BOLA3: variants seen among roughly 807,000 people sequenced by gnomAD.
BOLA3 encodes the protein bolA family member 3, also known as bolA-like protein 3.
A neutral mutation model predicts 14.5 loss-of-function variants in BOLA3; 8 were observed. The observed-to-expected ratio is 0.55, with a 90% confidence interval of 0.32 to 0.99. The LOEUF is 0.99. BOLA3 is among the 50% of genes least tolerant of loss of function. BOLA3 has a pLI of 0.04. For synonymous variants in BOLA3, 42 were observed against 45.7 expected (o/e 0.92, Z 0.33); for missense variants, 115 against 138.2 (o/e 0.83, Z 0.84).
chr2:74,142,267 C>A lies in BOLA3; in HGVS notation c.258+5G>T. On this transcript the variant is annotated splice_donor_5th_base_variant and intron_variant, in intron 3 of 3. Coordinates refer to ENST00000327428, the MANE Select transcript of BOLA3 (RefSeq NM_212552.3). ...GTGGCAAGGGGCACTGTTGCCTCTA[C>A]TGACCTGATTAACCATCTGGTGCTG... is the stretch of plus-strand genomic sequence containing the variant. 1 of 1,608,650 alleles carries A rather than the reference C, an allele frequency of 6.2e-7. No individual in the cohort carries two copies. Among genetic ancestry groups the A allele is most frequent in the Non-Finnish European group, 8.5e-7 (1 of 1,175,514 alleles).
In BOLA3 at chr2:74,135,578, GCAGC is replaced by G; in HGVS notation, c.*11_*14del. The G allele has an allele frequency of 6.2e-7, 1 of 1,613,920 alleles. No homozygotes were observed. Among genetic ancestry groups the G allele is most frequent in the Admixed American group, 1.7e-5 (1 of 60,020 alleles). The stretch of plus-strand genomic sequence containing the variant: ...CAAGGTCTTAAGCAGCAGCATCTAT[GCAGC>G]CAGGGCGTGGTCAGCGTTTGGGGAC... On this transcript the variant is annotated 3_prime_UTR_variant, in exon 4 of 4. Coordinates refer to ENST00000327428, the MANE Select transcript of BOLA3 (RefSeq NM_212552.3).
In BOLA3 at chr2:74,142,281, C is replaced by A; in HGVS notation, c.249G>T (p.Met83Ile). 1 of 1,612,060 alleles carries A rather than the reference C, an allele frequency of 6.2e-7. No individual in the cohort carries two copies. Among genetic ancestry groups the A allele is most frequent in the Non-Finnish European group, 8.5e-7 (1 of 1,178,308 alleles). Residue 83 changes from methionine (M) to isoleucine (I), a missense_variant, in exon 3 of 4, where the codon ATG becomes ATT. Transcript: ENST00000327428. ...TGTTGCCTCTACTGACCTGATTAAC[C>A]ATCTGGTGCTGCTGGACAGTTCTCT... ...KEKRTVQQHQMVNQALKEEIK... is the reference protein window; with the variant it reads ...KEKRTVQQHQIVNQALKEEIK...
In BOLA3 at chr2:74,143,556, G is replaced by A. The variant is rs557194408; in HGVS notation, c.170-1196C>T. On this transcript the variant is annotated intron_variant, in intron 2 of 3. Coordinates refer to ENST00000327428, the MANE Select transcript of BOLA3 (RefSeq NM_212552.3). ...CCTTCTGCACTCTGTCCAGGACTGC[G>A]CAGAGCCACAGCTGAGTCAAGCTCT... 1.2e-4 allele frequency among the ~76,000 whole-genome samples: 18 copies of A among 152,236 alleles called. No individual in the cohort carries two copies. In the South Asian group the frequency reaches 3.1e-3, roughly 26 times the overall value.
At chr2:74,141,068 G>A (rs1315633743) in intron 3 of BOLA3, among the ~76,000 whole-genome samples, 3 of 152,308 alleles carry the variant, frequency 2.0e-5, no homozygotes, top group South Asian at 2.1e-4. Context: ...AAAGTGCCAC[G>A]GGTTGGGGAT....
chr2:74,144,084 C>T (rs1692496555), intron 2 of BOLA3, among the ~76,000 whole-genome samples: 1 of 150,204 alleles, frequency 6.7e-6, no homozygotes, highest in African/African-American at 2.5e-5. Flanking sequence ...TGGCTCACTG[C>T]AGCCTCCGCC....
At chr2:74,147,121 A>T (rs1692559419) in intron 1 of BOLA3, 1 of 152,280 alleles carries the variant, frequency 6.6e-6, no homozygotes, top group Non-Finnish European at 1.5e-5. Context: ...TCCTTGGGAG[A>T]AGCCTTTCAT....
chr2:74,143,755 C>G (rs1692490059), intron 2 of BOLA3, among the ~76,000 whole-genome samples: 1 of 150,614 alleles, frequency 6.6e-6, no homozygotes, highest in Admixed American at 6.6e-5. Flanking sequence ...GGTGCAATCT[C>G]AGCTCACTGC....
At chr2:74,142,686 C>A (rs529732117) in intron 2 of BOLA3, among the ~76,000 whole-genome samples, 1 of 152,156 alleles carries the variant, frequency 6.6e-6, no homozygotes, top group African/African-American at 2.4e-5. Context: ...CCAATAAACG[C>A]CACGGAAGAG....
intron 2 of BOLA3, among the ~76,000 whole-genome samples, chr2:74,142,782 G>A (rs1245551292): frequency 6.6e-6 from 1 of 152,212 alleles, no homozygotes; most frequent in African/African-American, 2.4e-5. Flanking sequence ...CTACAATTTG[G>A]TTTGAAAACT....
Position 74,135,524 on chromosome 2 carries a change from A to G in BOLA3, c.*69T>C. The G allele has an allele frequency of 6.2e-7, 1 of 1,604,448 alleles. No homozygotes were observed. Among genetic ancestry groups the G allele is most frequent in the Non-Finnish European group, 8.5e-7 (1 of 1,172,168 alleles). On this transcript the variant is annotated 3_prime_UTR_variant, in exon 4 of 4. Coordinates refer to ENST00000327428, the MANE Select transcript of BOLA3 (RefSeq NM_212552.3). Reference sequence around the variant, plus strand: ...TATATAAATTTTTTGGTGACTGCTTAGGGAAGAATGATGTCAGTGAAGTTC... The same window carrying G: ...TATATAAATTTTTTGGTGACTGCTTGGGGAAGAATGATGTCAGTGAAGTTC...
At chr2:74,138,280 T>C (rs113284534) in intron 3 of BOLA3, among the ~76,000 whole-genome samples, 2,962 of 152,312 alleles carry the variant, frequency 0.019, 92 homozygotes, top group African/African-American at 0.066. Flanking sequence ...CACAGCACTA[T>C]AGTAGGTGCT....
chr2:74,137,396 G>A (rs1251404224), intron 3 of BOLA3, among the ~76,000 whole-genome samples: 1 of 152,214 alleles, frequency 6.6e-6, no homozygotes, highest in Non-Finnish European at 1.5e-5. Context: ...GAAGCTGAAA[G>A]CTCAGAGAGA....
chr2:74,144,518 C>CGTGT (rs35852691), intron 2 of BOLA3, among the ~76,000 whole-genome samples: 17 of 151,340 alleles, frequency 1.1e-4, no homozygotes, highest in South Asian at 4.2e-4. Flanking sequence ...TCTGTGTGTA[C>CGTGT]GTGTGTGTGT....
At chr2:74,135,784 T>C in intron 3 of BOLA3, 126 bp from the exon 4 acceptor site, 1 of 773,032 alleles carries the variant, frequency 1.3e-6, no homozygotes, top group Non-Finnish European at 2.2e-6. Context: ...TAAGCAATTT[T>C]TCCTTTTTTT....
intron 1 of BOLA3, 42 bp from the exon 2 acceptor site, chr2:74,145,345 C>T (rs1692524701): frequency 8.3e-7 from 1 of 1,209,672 alleles, no homozygotes; most frequent in Non-Finnish European, 1.2e-6. Flanking sequence ...GAGGAAGATG[C>T]TGTTGCCCCT....
rs115089012 is a variant in BOLA3, at chr2:74,139,169, G to A, written c.258+3103C>T. 2.5e-3 allele frequency among the ~76,000 whole-genome samples: 384 copies of A among 152,276 alleles called. 2 individuals carry two copies. Among genetic ancestry groups the A allele is most frequent in the African/African-American group, 8.7e-3 (360 of 41,554 alleles). ...GGGGGCGCCCCCTCCAGGGAATCCC[G>A]CAGGGACAGTCTGATGGGAAGCTCA... On this transcript the variant is annotated intron_variant, in intron 3 of 3. Coordinates refer to ENST00000327428, the MANE Select transcript of BOLA3 (RefSeq NM_212552.3).
At chr2:74,140,050 G>A (rs1227865655) in intron 3 of BOLA3, among the ~76,000 whole-genome samples, 4 of 152,150 alleles carry the variant, frequency 2.6e-5, no homozygotes, top group Admixed American at 2.0e-4. Flanking sequence ...TTGGGAGGCC[G>A]AGGCAGGTGG....
intron 1 of BOLA3, chr2:74,147,518 T>TC: frequency 2.3e-6 from 1 of 444,028 alleles, no homozygotes; most frequent in Non-Finnish European, 4.0e-6. Flanking sequence ...GGTAAACCAA[T>TC]CCTTTTTTTT....
intron 1 of BOLA3, chr2:74,147,366 C>A (rs777193896): frequency 3.6e-5 from 8 of 224,978 alleles, no homozygotes; most frequent in Admixed American, 6.0e-5. Context: ...GAAGTGCCCC[C>A]TGCTTGGGTT....
Sources: gnomAD v4.1 joint callset for allele counts (sites outside exome capture counted in the v4.1 genomes callset) on GRCh38, gnomAD v4.1.1 for gene constraint, MANE v1.5 for transcripts, NCBI Gene and HGNC (gene_info 2026-07-23, HGNC 2026-07-21) for gene names.